The following RBBP6 variants were observed in gnomAD, a reference collection of about 807,000 sequenced individuals.
The protein encoded by RBBP6 is E3 ubiquitin-protein ligase RBBP6.
Under a neutral mutation model 167.7 loss-of-function variants are expected in RBBP6, and 25 were observed. The observed-to-expected ratio is 0.15, with a 90% CI of 0.11 to 0.21. The LOEUF is 0.21. Among genes scored for constraint, RBBP6 ranks in the 10% least tolerant of loss-of-function variants. The pLI, the probability that RBBP6 is intolerant of heterozygous loss-of-function variation, is 1.00. For missense variants in RBBP6, 1,868 were observed against 2,134.2 expected, an observed-to-expected ratio of 0.88 and a Z score of 2.46; for synonymous variants, 789 against 735.8, an observed-to-expected ratio of 1.07 and a Z score of -1.17.
rs1422141339 is a variant in RBBP6, at chr16:24,563,444, G to A, written c.1408G>A (p.Gly470Arg). 2.5e-6 allele frequency: 4 copies of A among 1,608,068 alleles called. No individual in the cohort carries two copies. Among genetic ancestry groups the A allele is most frequent in the Non-Finnish European group, 3.4e-6 (4 of 1,178,736 alleles). Residue 470 changes from glycine to arginine, a missense_variant, in exon 12 of 18, where the codon GGA becomes AGA. Gly to Arg is a moderately radical substitution (Grantham distance 125). Around this residue, in one of 7 missense-constraint regions of RBBP6, gnomAD observed 245 missense variants for 240.1 expected, o/e 1.02. Transcript: ENST00000319715. ...AAAGGGTTACCAGGTGCCTGTTCTTGGAACCCCATCTTTGCTTGGACAGTC... is the reference window on the plus strand; with the variant it reads ...AAAGGGTTACCAGGTGCCTGTTCTTAGAACCCCATCTTTGCTTGGACAGTC... ...EEKGYQVPVL[G>R]TPSLLGQSLL...
chr16:24,561,899 A>T lies in RBBP6; in HGVS notation c.1027A>T (p.Ile343Leu). Reference protein sequence around the residue: ...RKQLPPPPPPIPPPRPLIQRN... With the variant: ...RKQLPPPPPPLPPPRPLIQRN... ...ACAGTTACCTCCTCCACCACCCCCA[A>T]TACCACCTCCGAGACCACTGATTCA... Residue 343 changes from isoleucine (I) to leucine (L), a missense_variant, in exon 10 of 18, where the codon ATA becomes TTA. Ile to Leu is a conservative substitution (Grantham distance 5). This residue lies in a region of RBBP6 where 245 missense variants were observed against 240.1 expected (regional missense o/e 1.02). Transcript: ENST00000319715. 1.9e-6 allele frequency: 3 copies of T among 1,613,972 alleles called. No homozygotes were observed. Among genetic ancestry groups the T allele is most frequent in the Non-Finnish European group, 2.5e-6 (3 of 1,179,920 alleles).
chr16:24,547,332 A>G (rs9927702), intron 2 of RBBP6, among the ~76,000 whole-genome samples: 56,248 of 152,032 alleles, frequency 0.37, 10,567 homozygotes, highest in Admixed American at 0.45. Flanking sequence ...CTTCCATATA[A>G]TAGCTACTTT....
Position 24,569,867 on chromosome 16 carries a change from TAAA to T in RBBP6, c.3181_3183del (p.Lys1061del). 6.2e-7 allele frequency: 1 copy of T among 1,610,148 alleles called. No individual in the cohort carries two copies. Among genetic ancestry groups the T allele is most frequent in the Non-Finnish European group, 8.5e-7 (1 of 1,179,126 alleles). ...GATCTCCTCGATCTGAACCTCCAAT[TAAA>T]AAAGCCAAAGAGGAGACTCCGAAGA... On this transcript the variant is annotated inframe_deletion, in exon 17 of 18. Transcript: ENST00000319715.
At position 24,567,339 on chromosome 16, in the gene RBBP6, G is replaced by A; in HGVS notation, c.1786G>A (p.Gly596Arg). Residue 596 changes from glycine (G) to arginine (R), a missense_variant, in exon 15 of 18, where the codon GGG becomes AGG. Coordinates refer to ENST00000319715, the MANE Select transcript of RBBP6 (RefSeq NM_006910.5). ...TCCTCCTGGCCAGCCACCACCCGCT[G>A]GGTATAGTGTCCCTCCTCCAGGGTT... is the stretch of plus-strand genomic sequence containing the variant. Reference protein sequence around the residue: ...QFPPGQPPPAGYSVPPPGFPP... With the variant: ...QFPPGQPPPARYSVPPPGFPP... The A allele has an allele frequency of 6.2e-7, 1 of 1,614,048 alleles. No homozygotes were observed.
Position 24,571,691 on chromosome 16 carries a change from C to T in RBBP6, c.4625C>T (p.Pro1542Leu). Residue 1542 changes from proline (P) to leucine (L), a missense_variant, in exon 18 of 18, where the codon CCT becomes CTT. This residue lies in a region of RBBP6 where 591 missense variants were observed against 540.5 expected (regional missense o/e 1.09). Transcript: ENST00000319715. The part of the protein sequence containing the change: ...SNSSPSRDRK[P>L]HDHKATYDTK... Reference sequence around the variant, plus strand: ...TCTAGTCCCTCAAGAGACAGAAAACCTCATGATCACAAAGCCACTTATGAT... The same window carrying T: ...TCTAGTCCCTCAAGAGACAGAAAACTTCATGATCACAAAGCCACTTATGAT... 6.2e-7 allele frequency: 1 copy of T among 1,613,954 alleles called. No homozygotes were observed. The highest frequency in any genetic ancestry group is 8.5e-7 in the Non-Finnish European group (1 of 1,179,962).
chr16:24,558,820 G>A (rs1191545333), intron 7 of RBBP6, among the ~76,000 whole-genome samples: 2 of 152,164 alleles, frequency 1.3e-5, no homozygotes, highest in Admixed American at 6.5e-5. Flanking sequence ...TTGTAACACC[G>A]ATTTTGATCA....
rs1313968591 is a variant in RBBP6 at position 24,564,862 on chromosome 16, A to G, written c.1586A>G (p.Tyr529Cys). 5.6e-6 allele frequency: 9 copies of G among 1,611,660 alleles called. No homozygotes were observed. The highest frequency in any genetic ancestry group is 7.6e-6 in the Non-Finnish European group (9 of 1,178,960). The change falls in exon 14 of 18, where the codon TAC (tyrosine) becomes TGC (cysteine). Residue 529 changes from tyrosine (Y) to cysteine (C), a missense_variant. Tyr to Cys is a radical substitution (Grantham distance 194). Coordinates refer to ENST00000319715, the MANE Select transcript of RBBP6 (RefSeq NM_006910.5). ...ATTAGAAGAGGGGAGAGGAGCTGCT[A>G]CAGGTAGGCATGCTAAAAATCTTGG... ...QQIRRGERSC[Y>C]RSINRGRHHS...
chr16:24,569,203 A>G lies in RBBP6; in HGVS notation c.2513A>G (p.Tyr838Cys). 6.2e-7 allele frequency: 1 copy of G among 1,613,950 alleles called. No homozygotes were observed. The highest frequency in any genetic ancestry group is 8.5e-7 in the Non-Finnish European group (1 of 1,179,954). The change falls in exon 17 of 18, where the codon TAT becomes TGT. Residue 838 changes from tyrosine to cysteine, a missense_variant. By Grantham distance (194) the Tyr-to-Cys change is radical (BLOSUM62 -2). Around this residue, in one of 7 missense-constraint regions of RBBP6, gnomAD observed 673 missense variants for 691.5 expected, o/e 0.97. Coordinates refer to ENST00000319715, the MANE Select transcript of RBBP6 (RefSeq NM_006910.5). Reference protein sequence around the residue: ...REWERKYREWYEKYYKGYAAG... With the variant: ...REWERKYREWCEKYYKGYAAG... ...TGGGAGAGAAAATATAGAGAGTGGT[A>G]TGAAAAATATTATAAAGGTTATGCT...
chr16:24,540,435 A>T lies in RBBP6; in HGVS notation c.-192A>T, dbSNP rs545514871. 8 of 480,208 alleles carry T rather than the reference A, an allele frequency of 1.7e-5. No individual in the cohort carries two copies. The South Asian group carries it at 2.7e-4, about 16-fold the overall frequency. 29.7% of individuals were successfully genotyped at this position (480,208 alleles called of 1,614,324 possible). A position where few individuals can be genotyped will look rare whatever the true frequency, so the allele number is the denominator to read the frequency against. The stretch of plus-strand genomic sequence containing the variant: ...CCTCCCCCATGAAGTGATTCTGAGT[A>T]TCGGGGGGTCTCTGGATTATTGTTC... On this transcript the variant is annotated 5_prime_UTR_variant, in exon 1 of 18. Transcript: ENST00000319715.
intron 17 of RBBP6, 83 bp from the exon 18 acceptor site, chr16:24,570,793 A>T: frequency 8.7e-7 from 1 of 1,145,090 alleles, no homozygotes; most frequent in Non-Finnish European, 1.2e-6. Context: ...TTTGTGTTTA[A>T]GTTAGCATTT....
intron 1 of RBBP6, among the ~76,000 whole-genome samples, chr16:24,542,644 G>T (rs977683626): frequency 3.9e-5 from 6 of 152,026 alleles, no homozygotes; most frequent in Admixed American, 3.9e-4. Context: ...TGTATTTTTA[G>T]TAGAGATGGG....
chr16:24,570,155 C>T lies in RBBP6; in HGVS notation c.3465C>T (p.Gly1155=), dbSNP rs770751910. 24 of 1,592,978 alleles carry T rather than the reference C, an allele frequency of 1.5e-5. No individual in the cohort carries two copies. Among genetic ancestry groups the T allele is most frequent in the Non-Finnish European group, 2.0e-5 (24 of 1,175,186 alleles). The change falls in exon 17 of 18, where the codon GGC becomes GGT. Residue 1155 remains glycine (G), a synonymous_variant. Coordinates refer to ENST00000319715, the MANE Select transcript of RBBP6 (RefSeq NM_006910.5). ...EKRKRKTEEK[G]VDKDFESSSM... is the part of the protein sequence containing the mutation. ...GAAAAAGAAAAACTGAAGAAAAAGG[C>T]GTAGATAAAGATTTTGAGTCTTCTT... is the stretch of plus-strand genomic sequence containing the variant.
In RBBP6 at chr16:24,571,869, G is replaced by A. The variant is rs746209856; in HGVS notation, c.4803G>A (p.Glu1601=). The part of the protein sequence containing the change: ...LNPPETQVEK[E]QITGQIDKST... ...CACCAGAGACACAGGTTGAAAAAGAGCAAATTACTGGGCAAATTGACAAGA... is the reference window on the plus strand; with the variant it reads ...CACCAGAGACACAGGTTGAAAAAGAACAAATTACTGGGCAAATTGACAAGA... Residue 1601 remains glutamate (E), a synonymous_variant, in exon 18 of 18, where the codon GAG becomes GAA. Coordinates refer to ENST00000319715, the MANE Select transcript of RBBP6 (RefSeq NM_006910.5). 1.2e-6 allele frequency: 2 copies of A among 1,614,094 alleles called. No homozygotes were observed. The highest frequency in any genetic ancestry group is 2.2e-5 in the South Asian group (2 of 91,056).
In RBBP6 at chr16:24,572,087, A is replaced by G. The variant is rs1481756380; in HGVS notation, c.5021A>G (p.Lys1674Arg). The G allele has an allele frequency of 6.2e-7, 1 of 1,614,168 alleles. No homozygotes were observed. The highest frequency in any genetic ancestry group is 8.5e-7 in the Non-Finnish European group (1 of 1,180,034). Residue 1674 changes from lysine (K) to arginine (R), a missense_variant, in exon 18 of 18, where the codon AAA becomes AGA. By Grantham distance (26) the Lys-to-Arg change is conservative. Coordinates refer to ENST00000319715, the MANE Select transcript of RBBP6 (RefSeq NM_006910.5). ...AAAGATAAAATAGTGGAGAAAGCAA[A>G]AGAGAGCCTGGACACAGCAGCAGTT... Reference protein sequence around the residue: ...DLKDKIVEKAKESLDTAAVVQ... With the variant: ...DLKDKIVEKARESLDTAAVVQ...
At position 24,541,205 on chromosome 16, in the gene RBBP6, C is replaced by CAAAAAAAAAAA. The variant is rs933107246; in HGVS notation, c.166+420_166+421insAAAAAAAAAAA. Among the ~76,000 whole-genome samples, 260 of 79,214 alleles carry CAAAAAAAAAAA rather than the reference C, an allele frequency of 3.3e-3. 14 individuals are homozygous for CAAAAAAAAAAA. The highest frequency in any genetic ancestry group is 4.6e-3 in the Non-Finnish European group (188 of 40,748). 52.0% of individuals were successfully genotyped at this position (79,214 alleles called of 152,430 possible). On this transcript the variant is annotated intron_variant, in intron 1 of 17. Transcript: ENST00000319715. ...GCAAAAAAAAAAACAAAAAAAAAAC[C>CAAAAAAAAAAA]AAAAAAACAATTTTCTAACCTAACA...
At chr16:24,550,290 G>A (rs1164569699) in intron 3 of RBBP6, among the ~76,000 whole-genome samples, 4 of 150,706 alleles carry the variant, frequency 2.7e-5, no homozygotes, top group African/African-American at 9.7e-5. Context: ...ACTAAATACA[G>A]TGATTCTAAG....
intron 7 of RBBP6, among the ~76,000 whole-genome samples, chr16:24,558,986 T>C (rs1898984517): frequency 6.6e-6 from 1 of 152,238 alleles, no homozygotes; most frequent in South Asian, 2.1e-4. Flanking sequence ...AATTGTATAA[T>C]GTCAGTACTA....
chr16:24,541,981 A>G (rs1049167804), intron 1 of RBBP6, among the ~76,000 whole-genome samples: 4 of 152,256 alleles, frequency 2.6e-5, no homozygotes, highest in African/African-American at 9.6e-5. Flanking sequence ...AGACCTAAGT[A>G]TAATTGTATT....
At chr16:24,549,178 T>G in intron 3 of RBBP6, 197 bp downstream of exon 3, 1 of 1,435,442 alleles carries the variant, frequency 7.0e-7, no homozygotes, top group Non-Finnish European at 9.1e-7. Context: ...TAGAAATGGG[T>G]AATTTGTGCC....
Sources: gnomAD v4.1 joint callset for allele counts (sites outside exome capture counted in the v4.1 genomes callset) on GRCh38, gnomAD v4.1.1 for gene constraint, gnomAD v4.1.1 regional missense constraint, MANE v1.5 for transcripts, NCBI Gene and HGNC (gene_info 2026-07-23, HGNC 2026-07-21) for gene names.